TRIM9: variants seen among roughly 807,000 people sequenced by gnomAD.
TRIM9 encodes tripartite motif containing 9.
Under a neutral mutation model 78.3 loss-of-function variants are expected in TRIM9, and 26 were observed. The ratio of observed to expected loss-of-function variants is 0.33; its 90% CI spans 0.24 to 0.46. The LOEUF is 0.46. Among genes scored for constraint, TRIM9 ranks in the 20% least tolerant of loss-of-function variants. The probability of loss-of-function intolerance (pLI) is 1.00; values close to 1 mark genes in which losing one functional copy is unlikely to be tolerated. For missense variants in TRIM9, 787 were observed against 1,036.4 expected, an observed-to-expected ratio of 0.76 and a Z score of 3.30; for synonymous variants, 398 against 416.5, an observed-to-expected ratio of 0.96 and a Z score of 0.54.
intron 8 of TRIM9, among the ~76,000 whole-genome samples, chr14:50,984,373 T>C (rs1368398257): frequency 6.6e-6 from 1 of 152,244 alleles, no homozygotes; most frequent in African/African-American, 2.4e-5. Flanking sequence ...AAAGGACTAA[T>C]GGCTGAGTTA....
intron 1 of TRIM9, among the ~76,000 whole-genome samples, chr14:51,033,455 G>A (rs2058898896): frequency 6.6e-6 from 1 of 152,174 alleles, no homozygotes; most frequent in South Asian, 2.1e-4. Flanking sequence ...AAACACTTTT[G>A]TCATACCATG....
chr14:51,040,318 C>T (rs1233917147), intron 1 of TRIM9, among the ~76,000 whole-genome samples: 1 of 152,158 alleles, frequency 6.6e-6, no homozygotes, highest in African/African-American at 2.4e-5. Flanking sequence ...GAGGCTGTTA[C>T]TGCATTTGCT....
intron 1 of TRIM9, chr14:51,089,330 A>G (rs2064093681): frequency 6.6e-6 from 1 of 152,244 alleles, no homozygotes; most frequent in Admixed American, 6.5e-5. Context: ...GCCAAAGTTA[A>G]GTTGTATGTG....
chr14:50,998,431 T>A (rs2054511832), intron 6 of TRIM9, among the ~76,000 whole-genome samples: 1 of 152,214 alleles, frequency 6.6e-6, no homozygotes, highest in African/African-American at 2.4e-5. Flanking sequence ...TATATGCAGA[T>A]TAGCGTCATG....
intron 1 of TRIM9, among the ~76,000 whole-genome samples, chr14:51,045,094 G>A (rs1476914757): frequency 3.3e-5 from 5 of 152,092 alleles, no homozygotes; most frequent in African/African-American, 7.2e-5. Flanking sequence ...TGACATTGTC[G>A]GGAGCTGTTC....
intron 1 of TRIM9, among the ~76,000 whole-genome samples, chr14:51,056,701 T>C (rs4901075): frequency 0.27 from 41,620 of 152,120 alleles, 6,177 homozygotes; most frequent in African/African-American, 0.38. Flanking sequence ...GCCATTATCC[T>C]TACTCCCAGT....
chr14:50,986,204 G>C, intron 7 of TRIM9, 60 bp from the exon 8 acceptor site: 3 of 1,336,680 alleles, frequency 2.2e-6, no homozygotes, highest in Non-Finnish European at 2.9e-6. Flanking sequence ...CCCCGTGCAC[G>C]GTTCCCCAAG....
chr14:51,018,697 C>T (rs11157791), intron 3 of TRIM9, among the ~76,000 whole-genome samples: 61,624 of 152,022 alleles, frequency 0.41, 12,819 homozygotes, highest in South Asian at 0.66. Flanking sequence ...ATGAAGACTG[C>T]GCAACATGGT....
intron 12 of TRIM9, among the ~76,000 whole-genome samples, chr14:50,978,074 T>A (rs1349044838): frequency 2.0e-5 from 3 of 152,174 alleles, no homozygotes; most frequent in Non-Finnish European, 2.9e-5. Context: ...ATTTATGGTT[T>A]TCTTTCTTAA....
intron 11 of TRIM9, 132 bp from the exon 12 acceptor site, chr14:50,979,681 A>C: frequency 1.3e-6 from 1 of 744,968 alleles, no homozygotes; most frequent in Non-Finnish European, 2.3e-6. Context: ...TTCCCTAATC[A>C]TCCCTTGCAC....
chr14:51,053,746 G>A (rs61985051), intron 1 of TRIM9, among the ~76,000 whole-genome samples: 1 of 147,696 alleles, frequency 6.8e-6, no homozygotes, highest in Non-Finnish European at 1.5e-5. Context: ...ATCCCTCCCC[G>A]CTCCCCCGAC....
intron 6 of TRIM9, among the ~76,000 whole-genome samples, chr14:50,999,793 G>T (rs867934142): frequency 6.6e-5 from 10 of 152,310 alleles, no homozygotes; most frequent in Middle Eastern, 6.8e-3. Context: ...TTCCAGGCAA[G>T]ACTAGGGTGG....
chr14:51,053,557 ATTTT>A (rs1195234122), intron 1 of TRIM9, among the ~76,000 whole-genome samples: 6 of 62,620 alleles, frequency 9.6e-5, no homozygotes, highest in African/African-American at 2.1e-4. Flanking sequence ...TTATTTATTT[ATTTT>A]TTTTTACTTT....
At chr14:51,050,402 T>C (rs1242252254) in intron 1 of TRIM9, among the ~76,000 whole-genome samples, 2 of 152,224 alleles carry the variant, frequency 1.3e-5, no homozygotes, top group South Asian at 2.1e-4. Context: ...CCTCTTTGCC[T>C]GCCACCATGT....
chr14:51,023,286 A>T (rs986254444), intron 2 of TRIM9, among the ~76,000 whole-genome samples: 1 of 152,232 alleles, frequency 6.6e-6, no homozygotes, highest in Non-Finnish European at 1.5e-5. Context: ...TCAGCTATGT[A>T]TGGTGGAAGC....
intron 7 of TRIM9, 60 bp from the exon 8 acceptor site, chr14:50,986,204 G>T: frequency 1.5e-6 from 2 of 1,336,676 alleles, no homozygotes; most frequent in Non-Finnish European, 2.0e-6. Flanking sequence ...CCCCGTGCAC[G>T]GTTCCCCAAG....
chr14:51,089,465 A>C (rs937786793), intron 1 of TRIM9: 3 of 152,208 alleles, frequency 2.0e-5, no homozygotes, highest in African/African-American at 7.2e-5. Context: ...GGCTGTGATA[A>C]TTGTCTCTTA....
At chr14:51,001,477 C>T (rs1187826009) in intron 5 of TRIM9, among the ~76,000 whole-genome samples, 1 of 152,126 alleles carries the variant, frequency 6.6e-6, no homozygotes, top group African/African-American at 2.4e-5. Flanking sequence ...GATCCGCCCG[C>T]CTCTGCCTCC....
chr14:51,045,784 A>G (rs2059906150), intron 1 of TRIM9, among the ~76,000 whole-genome samples: 1 of 152,228 alleles, frequency 6.6e-6, no homozygotes, highest in South Asian at 2.1e-4. Context: ...ATTTGTAATA[A>G]ATAATTTTTT....
Sources: allele counts gnomAD v4.1 joint callset (sites outside exome capture counted in the v4.1 genomes callset), GRCh38; gene constraint gnomAD v4.1.1; transcripts MANE v1.5; gene names NCBI Gene and HGNC (gene_info 2026-07-23, HGNC 2026-07-21).